ATXN7: variants seen among roughly 807,000 people sequenced by gnomAD.
ATXN7 encodes the protein ataxin-7.
Under a neutral mutation model 70.5 loss-of-function variants are expected in ATXN7, and 12 were observed. The ratio of observed to expected loss-of-function variants is 0.17; its 90% CI spans 0.11 to 0.28. The LOEUF is 0.28. ATXN7 is among the 10% of genes least tolerant of loss of function. The probability of loss-of-function intolerance (pLI) is 1.00; values close to 1 mark genes in which losing one functional copy is unlikely to be tolerated. For missense variants in ATXN7, 1,256 were observed against 1,131.7 expected (o/e 1.11, Z -1.58); for synonymous variants, 498 against 448.7 (o/e 1.11, Z -1.39).
At chr3:63,955,311 A>T (rs933491773) in intron 5 of ATXN7, among the ~76,000 whole-genome samples, 1 of 152,168 alleles carries the variant, frequency 6.6e-6, no homozygotes, top group Admixed American at 6.5e-5. Flanking sequence ...GTGCTCTGAG[A>T]GAGGGATTCT....
intron 4 of ATXN7, among the ~76,000 whole-genome samples, chr3:63,934,020 C>G (rs901791609): frequency 6.6e-6 from 1 of 151,798 alleles, no homozygotes; most frequent in Non-Finnish European, 1.5e-5. Flanking sequence ...TTGGTTGAAT[C>G]ACAAATGTTG....
intron 1 of ATXN7, among the ~76,000 whole-genome samples, chr3:63,869,322 C>T (rs1702530133): frequency 6.6e-6 from 1 of 152,208 alleles, no homozygotes; most frequent in Non-Finnish European, 1.5e-5. Context: ...AAAAGTTTTG[C>T]TTACTCCTAG....
At chr3:63,879,176 G>A (rs1169868342) in intron 1 of ATXN7, among the ~76,000 whole-genome samples, 1 of 152,110 alleles carries the variant, frequency 6.6e-6, no homozygotes, top group Non-Finnish European at 1.5e-5. Context: ...TTATGACTCA[G>A]TTCTATCTTT....
At chr3:63,980,281 A>G (rs983889169) in intron 6 of ATXN7, 114 bp downstream of exon 6, 2 of 1,373,828 alleles carry the variant, frequency 1.5e-6, no homozygotes, top group Admixed American at 2.2e-5. Context: ...CTTGGGGAAG[A>G]ATTCAAATGT....
chr3:63,982,313 T>G lies in ATXN7; in HGVS notation c.880T>G (p.Ser294Ala). 1 of 1,614,148 alleles carries G rather than the reference T, an allele frequency of 6.2e-7. No homozygotes were observed. The highest frequency in any genetic ancestry group is 8.5e-7 in the Non-Finnish European group (1 of 1,180,026). Reference sequence around the variant, plus strand: ...AGTCAAGCCTGGCCTTAACTGCCCCTCAATACCAAAGCCAACCTTGCCTTC... The same window carrying G: ...AGTCAAGCCTGGCCTTAACTGCCCCGCAATACCAAAGCCAACCTTGCCTTC... The part of the protein sequence containing the change: ...SLVKPGLNCP[S>A]IPKPTLPSPG... Residue 294 changes from serine (S) to alanine (A), a missense_variant, in exon 7 of 13, where the codon TCA becomes GCA. Coordinates refer to ENST00000674280, the MANE Select transcript of ATXN7 (RefSeq NM_001377405.1).
intron 4 of ATXN7, among the ~76,000 whole-genome samples, chr3:63,942,449 A>T (rs1387250133): frequency 1.3e-5 from 2 of 152,146 alleles, no homozygotes. Flanking sequence ...TATTTTTGTT[A>T]TACGTATCAA....
In ATXN7 at chr3:63,912,673, C is replaced by G. The variant is rs1277208562; in HGVS notation, c.75C>G (p.Ala25=). ...CGGCGGCGGCGGGCGGAGCAGCGGC[C>G]GCGGCCGCCCGGCAGCAGCAGCAGC... ...RAAAAAGGAA[A]AAARQQQQQQ... The change falls in exon 3 of 13, where the codon GCC becomes GCG. Residue 25 remains alanine (A), a synonymous_variant. Transcript: ENST00000674280. The G allele has an allele frequency of 9.4e-7, 1 of 1,062,198 alleles. No homozygotes were observed. Among genetic ancestry groups the G allele is most frequent in the Non-Finnish European group, 1.1e-6 (1 of 877,948 alleles). The allele number at this position is 1,062,198 out of a possible 1,614,324, so 65.8% of individuals were successfully genotyped here.
chr3:63,970,038 A>G (rs2075285953), intron 5 of ATXN7, among the ~76,000 whole-genome samples: 1 of 152,218 alleles, frequency 6.6e-6, no homozygotes, highest in African/African-American at 2.4e-5. Context: ...TGTCAGCATC[A>G]TTTGGGTAAC....
intron 1 of ATXN7, among the ~76,000 whole-genome samples, chr3:63,872,180 T>C (rs903629878): frequency 6.6e-6 from 1 of 152,238 alleles, no homozygotes; most frequent in African/African-American, 2.4e-5. Context: ...CTTTGGGCCT[T>C]AGAGTTTGTT....
chr3:63,892,923 G>T (rs71298691), intron 1 of ATXN7, among the ~76,000 whole-genome samples: 5,518 of 152,260 alleles, frequency 0.036, 132 homozygotes, highest in Non-Finnish European at 0.052. Flanking sequence ...GAGTTACTTG[G>T]AAAGTAAGAA....
chr3:63,979,224 G>A (rs1178437713), intron 5 of ATXN7, among the ~76,000 whole-genome samples: 1 of 152,192 alleles, frequency 6.6e-6, no homozygotes, highest in Non-Finnish European at 1.5e-5. Flanking sequence ...TAAAAAACAG[G>A]CGTAGCTATT....
intron 4 of ATXN7, among the ~76,000 whole-genome samples, chr3:63,932,956 A>T (rs1386828562): frequency 6.6e-6 from 1 of 152,120 alleles, no homozygotes; most frequent in Non-Finnish European, 1.5e-5. Flanking sequence ...TTTAAACTTG[A>T]CCTTTATGGA....
chr3:63,885,857 A>C (rs567608483), intron 1 of ATXN7, among the ~76,000 whole-genome samples: 62 of 152,242 alleles, frequency 4.1e-4, no homozygotes, highest in African/African-American at 1.5e-3. Context: ...TTCTACTAAA[A>C]ATACAAAAAA....
chr3:63,928,868 G>A (rs1372445006), intron 4 of ATXN7, among the ~76,000 whole-genome samples: 1 of 152,168 alleles, frequency 6.6e-6, no homozygotes, highest in African/African-American at 2.4e-5. Context: ...TTAAAATCAG[G>A]GAATTTGCTT....
At chr3:63,963,121 G>A (rs936028377) in intron 5 of ATXN7, among the ~76,000 whole-genome samples, 2 of 151,834 alleles carry the variant, frequency 1.3e-5, no homozygotes, top group African/African-American at 4.8e-5. Context: ...TCACCATGTT[G>A]CCCAGGCTGG....
At chr3:63,988,687 A>G (rs2075617745) in intron 9 of ATXN7, among the ~76,000 whole-genome samples, 1 of 152,168 alleles carries the variant, frequency 6.6e-6, no homozygotes, top group Non-Finnish European at 1.5e-5. Flanking sequence ...GTCTTTATAT[A>G]GCAGTGGGAA....
At chr3:63,872,146 T>G (rs1160428558) in intron 1 of ATXN7, among the ~76,000 whole-genome samples, 2 of 150,286 alleles carry the variant, frequency 1.3e-5, no homozygotes, top group Non-Finnish European at 3.0e-5. Flanking sequence ...CACATCTGGC[T>G]GTGACATAGT....
At chr3:63,887,798 G>A (rs1299255645) in intron 1 of ATXN7, among the ~76,000 whole-genome samples, 5 of 151,032 alleles carry the variant, frequency 3.3e-5, no homozygotes, top group Non-Finnish European at 7.4e-5. Flanking sequence ...TGTTGCCCAG[G>A]CAGGTCTCAA....
At chr3:63,900,321 CAA>C (rs1272114300) in intron 2 of ATXN7, among the ~76,000 whole-genome samples, 1 of 152,176 alleles carries the variant, frequency 6.6e-6, no homozygotes, top group African/African-American at 2.4e-5. Flanking sequence ...GCATTTCAGA[CAA>C]CACGTAAAAG....
Sources: allele counts gnomAD v4.1 joint callset (sites outside exome capture counted in the v4.1 genomes callset), GRCh38; gene constraint gnomAD v4.1.1; transcripts MANE v1.5; gene names NCBI Gene and HGNC (gene_info 2026-07-23, HGNC 2026-07-21).